The following CRACD variants were observed in gnomAD, a reference collection of about 807,000 sequenced individuals.
The protein encoded by CRACD is capping protein-inhibiting regulator of actin dynamics.
CRACD carries 56 observed loss-of-function variants against 106.8 expected under a neutral mutation model. The ratio of observed to expected loss-of-function variants is 0.52; its 90% CI spans 0.42 to 0.66. CRACD has a LOEUF of 0.66. Among genes scored for constraint, CRACD ranks in the 30% least tolerant of loss-of-function variants. The pLI, the probability that CRACD is intolerant of heterozygous loss-of-function variation, is 0.00. For synonymous variants in CRACD, 754 were observed against 670.8 expected (o/e 1.12, Z -1.92); for missense variants, 1,730 against 1,623.2 (o/e 1.07, Z -1.13).
At chr4:56,051,679 T>C (rs1169788119) in intron 1 of CRACD, among the ~76,000 whole-genome samples, 2 of 152,156 alleles carry the variant, frequency 1.3e-5, no homozygotes, top group African/African-American at 4.8e-5. Context: ...CAAGATACAC[T>C]GTACCCCCAG....
At chr4:56,089,715 G>A (rs1328301969) in intron 1 of CRACD, among the ~76,000 whole-genome samples, 1 of 151,832 alleles carries the variant, frequency 6.6e-6, no homozygotes, top group Non-Finnish European at 1.5e-5. Flanking sequence ...GATTTCTCTG[G>A]TTGGTCAGGC....
intron 2 of CRACD, among the ~76,000 whole-genome samples, chr4:56,231,188 TAC>T (rs374534103): frequency 1.3e-5 from 2 of 152,126 alleles, no homozygotes; most frequent in Non-Finnish European, 1.5e-5. Flanking sequence ...AGTTTTGAAA[TAC>T]ACACACACAC....
At chr4:56,264,928 G>A (rs1013418562) in intron 2 of CRACD, among the ~76,000 whole-genome samples, 4 of 152,090 alleles carry the variant, frequency 2.6e-5, no homozygotes, top group African/African-American at 7.2e-5. Context: ...TTTCCTCCAC[G>A]CTTCCCCCAG....
intron 1 of CRACD, among the ~76,000 whole-genome samples, chr4:56,067,843 TG>T (rs1348367063): frequency 6.6e-6 from 1 of 152,236 alleles, no homozygotes; most frequent in African/African-American, 2.4e-5. Flanking sequence ...TCCAAAGTGC[TG>T]GGATTACTGG....
chr4:56,305,605 C>T (rs1334263029), intron 4 of CRACD, among the ~76,000 whole-genome samples: 1 of 152,210 alleles, frequency 6.6e-6, no homozygotes, highest in Non-Finnish European at 1.5e-5. Flanking sequence ...CTCCTCCCCA[C>T]AACCCTTCCA....
At chr4:56,137,730 G>A (rs1205364125) in intron 1 of CRACD, among the ~76,000 whole-genome samples, 1 of 152,204 alleles carries the variant, frequency 6.6e-6, no homozygotes, top group Admixed American at 6.5e-5. Flanking sequence ...GTGCACGCCT[G>A]TAGTCCCAGC....
rs1745655091 is a variant in CRACD at position 56,316,421 on chromosome 4, A to G, written c.2919A>G (p.Pro973=). ...CCAAGCCCACCAGTCAGACCCCACC[A>G]GCATCCCCACTTTCCAAACTGAGCA... The part of the protein sequence containing the change: ...LAPKPTSQTP[P]ASPLSKLSRP... Residue 973 remains proline, a synonymous_variant, in exon 8 of 11, where the codon CCA becomes CCG. Coordinates refer to ENST00000682029, the MANE Select transcript of CRACD (RefSeq NM_001393381.1). 3 of 1,614,126 alleles carry G rather than the reference A, an allele frequency of 1.9e-6. No individual in the cohort carries two copies. Among genetic ancestry groups the G allele is most frequent in the African/African-American group, 1.3e-5 (1 of 75,060 alleles).
intron 10 of CRACD, among the ~76,000 whole-genome samples, chr4:56,325,606 A>T (rs1160851645): frequency 6.6e-6 from 1 of 152,232 alleles, no homozygotes; most frequent in Non-Finnish European, 1.5e-5. Context: ...CATGTAAGAG[A>T]TGTACACATT....
At chr4:56,296,421 T>C (rs1744040935) in intron 3 of CRACD, among the ~76,000 whole-genome samples, 1 of 152,094 alleles carries the variant, frequency 6.6e-6, no homozygotes, top group South Asian at 2.1e-4. Context: ...CATCCAAGTC[T>C]TTCATTTGTA....
In CRACD at chr4:56,166,675, C is replaced by CAAAA. The variant is rs35537364; in HGVS notation, c.-335-12595_-335-12592dup. ...GGTGAGACAGAGAGACACTCTGTCT[C>CAAAA]AAAAAAAAAAAAAAAAACCATTTAA... On this transcript the variant is annotated intron_variant, in intron 1 of 10. Coordinates refer to ENST00000682029, the MANE Select transcript of CRACD (RefSeq NM_001393381.1). Among the ~76,000 whole-genome samples the CAAAA allele has an allele frequency of 4.1e-3, 383 of 92,644 alleles. 27 individuals carry two copies. Among genetic ancestry groups the CAAAA allele is most frequent in the African/African-American group, 0.016 (347 of 22,254 alleles). 60.8% of individuals were successfully genotyped at this position (92,644 alleles called of 152,430 possible).
At position 56,192,818 on chromosome 4, in the gene CRACD, A is replaced by T. The variant is rs376573004; in HGVS notation, c.-189+13388A>T. 6.6e-5 allele frequency among the ~76,000 whole-genome samples: 10 copies of T among 152,334 alleles called. No homozygotes were observed. In the East Asian group the frequency reaches 1.9e-3, roughly 29 times the overall value. On this transcript the variant is annotated intron_variant, in intron 2 of 10. Coordinates refer to ENST00000682029, the MANE Select transcript of CRACD (RefSeq NM_001393381.1). ...TTTTCCCTGCAAAACACAGACATGA[A>T]AGATCTTTGAAATTCCACATAGATT...
Position 56,314,082 on chromosome 4 carries a change from C to T in CRACD, c.580C>T (p.Leu194=). Residue 194 remains leucine (L), a synonymous_variant, in exon 8 of 11, where the codon CTG becomes TTG. Coordinates refer to ENST00000682029, the MANE Select transcript of CRACD (RefSeq NM_001393381.1). This position sits in a 1 kb window ranked among gnomAD's most constrained non-coding sequence, Gnocchi z 4.4. ...AGGCGGCCTTGAGAGTCGGCCCTGC[C>T]TGGACCAGAACGGACACCCAGGCGA... ...EQGGLESRPC[L]DQNGHPGEDK... is the part of the protein sequence containing the mutation. The T allele has an allele frequency of 6.2e-7, 1 of 1,614,144 alleles. No individual in the cohort carries two copies. Among genetic ancestry groups the T allele is most frequent in the Non-Finnish European group, 8.5e-7 (1 of 1,180,024 alleles).
At position 56,203,893 on chromosome 4, in the gene CRACD, C is replaced by T. The variant is rs567997069; in HGVS notation, c.-189+24463C>T. 3.3e-5 allele frequency among the ~76,000 whole-genome samples: 5 copies of T among 152,342 alleles called. No homozygotes were observed. The South Asian group carries it at 1.0e-3, about 32-fold the overall frequency. The stretch of plus-strand genomic sequence containing the variant: ...GCTGAGTTCATCTAGTACCTGCCTC[C>T]ATACAAGGCCACTGGCCTTCTAATC... On this transcript the variant is annotated intron_variant, in intron 2 of 10. Transcript: ENST00000682029.
At chr4:56,264,263 G>T (rs754697646) in intron 2 of CRACD, among the ~76,000 whole-genome samples, 39 of 152,062 alleles carry the variant, frequency 2.6e-4, no homozygotes, top group Non-Finnish European at 2.5e-4. Context: ...CATGAGATTT[G>T]AATGGGGACA....
intron 1 of CRACD, among the ~76,000 whole-genome samples, chr4:56,064,161 G>A (rs1560440081): frequency 6.6e-6 from 1 of 152,176 alleles, no homozygotes; most frequent in Non-Finnish European, 1.5e-5. Flanking sequence ...AGAAACGTCT[G>A]TTCAAGTCCT....
At chr4:56,100,737 G>A (rs1332757213) in intron 1 of CRACD, among the ~76,000 whole-genome samples, 2 of 152,184 alleles carry the variant, frequency 1.3e-5, no homozygotes, top group African/African-American at 4.8e-5. Context: ...TGTAAGCCAA[G>A]GAGAGAGGCC....
chr4:56,055,402 A>C (rs1325811325), intron 1 of CRACD, among the ~76,000 whole-genome samples: 1 of 151,870 alleles, frequency 6.6e-6, no homozygotes, highest in African/African-American at 2.4e-5. Flanking sequence ...GGGAGAAATA[A>C]AAAGGAGAGG....
At chr4:56,251,212 C>G (rs1343694330) in intron 2 of CRACD, among the ~76,000 whole-genome samples, 1 of 152,188 alleles carries the variant, frequency 6.6e-6, no homozygotes, top group African/African-American at 2.4e-5. Context: ...GTCTCAGCGC[C>G]TGCCTGGTCA....
Position 56,314,311 on chromosome 4 carries a change from T to C in CRACD, c.809T>C (p.Leu270Ser). The C allele has an allele frequency of 1.3e-6, 2 of 1,552,178 alleles. 1 individual carries two copies. Among genetic ancestry groups the C allele is most frequent in the South Asian group, 2.4e-5 (2 of 84,154 alleles). ...LWEENRRQELLEEEGEGQEPP... is the reference protein window; with the variant it reads ...LWEENRRQELSEEEGEGQEPP... ...GAAGAGAACAGAAGGCAGGAGCTCT[T>C]GGAGGAGGAGGGCGAGGGGCAGGAG... Residue 270 changes from leucine to serine, a missense_variant, in exon 8 of 11, where the codon TTG (leucine) becomes TCG (serine). Leu to Ser is a moderately radical substitution (Grantham distance 145, BLOSUM62 -2). Around this residue, in one of 5 missense-constraint regions of CRACD, gnomAD observed 1,620 missense variants for 1,481.6 expected, o/e 1.09. Coordinates refer to ENST00000682029, the MANE Select transcript of CRACD (RefSeq NM_001393381.1). This position sits in a 1 kb window ranked among gnomAD's most constrained non-coding sequence, Gnocchi z 4.4.
Sources: gnomAD v4.1 joint callset for allele counts (sites outside exome capture counted in the v4.1 genomes callset) on GRCh38, gnomAD v4.1.1 for gene constraint, gnomAD v4.1.1 regional missense constraint, Gnocchi (gnomAD v3.1) non-coding constraint, MANE v1.5 for transcripts, NCBI Gene and HGNC (gene_info 2026-07-23, HGNC 2026-07-21) for gene names.